The following GMDS variants were observed in gnomAD, a reference collection of about 807,000 sequenced individuals.
GMDS encodes the protein GDP-mannose 4,6 dehydratase.
Under a neutral mutation model 49.9 loss-of-function variants are expected in GMDS, and 20 were observed. That is an observed-to-expected ratio of 0.40 (90% confidence interval 0.28 to 0.58). The LOEUF (loss-of-function observed/expected upper bound fraction) is 0.58. Among genes scored for constraint, GMDS ranks in the 20% least tolerant of loss-of-function variants. The pLI is 0.42. For synonymous variants in GMDS, 177 were observed against 178.6 expected, an observed-to-expected ratio of 0.99 and a Z score of 0.07; for missense variants, 362 against 481.4, an observed-to-expected ratio of 0.75 and a Z score of 2.32.
At chr6:1,796,464 G>C (rs1294190555) in intron 7 of GMDS, among the ~76,000 whole-genome samples, 1 of 152,148 alleles carries the variant, frequency 6.6e-6, no homozygotes, top group Non-Finnish European at 1.5e-5. Context: ...TAGGTATACT[G>C]GAGAGGGGCC....
At chr6:1,922,595 C>G (rs1761771030) in intron 7 of GMDS, among the ~76,000 whole-genome samples, 1 of 152,132 alleles carries the variant, frequency 6.6e-6, no homozygotes, top group Non-Finnish European at 1.5e-5. Flanking sequence ...TTGCCTTTTT[C>G]AAAACTACCG....
chr6:1,868,237 G>A (rs563155548), intron 7 of GMDS, among the ~76,000 whole-genome samples: 104 of 152,036 alleles, frequency 6.8e-4, no homozygotes, highest in African/African-American at 2.4e-3. Flanking sequence ...TGCCTGCCTC[G>A]GCCTCCCAAA....
intron 9 of GMDS, among the ~76,000 whole-genome samples, chr6:1,629,337 A>T (rs1236987853): frequency 6.6e-6 from 1 of 152,126 alleles, no homozygotes; most frequent in Non-Finnish European, 1.5e-5. Flanking sequence ...ATCCACACAA[A>T]CTGAAGTGGA....
intron 1 of GMDS, among the ~76,000 whole-genome samples, chr6:2,235,229 CA>C (rs1417237079): frequency 6.6e-6 from 1 of 152,166 alleles, no homozygotes; most frequent in Non-Finnish European, 1.5e-5. Flanking sequence ...GGGAAGCAGG[CA>C]TATTCTTCTT....
intron 7 of GMDS, among the ~76,000 whole-genome samples, chr6:1,776,125 C>T (rs963278482): frequency 2.0e-5 from 3 of 152,088 alleles, no homozygotes; most frequent in Non-Finnish European, 2.9e-5. Flanking sequence ...AAAGCCGTGA[C>T]CGTTCAGAAT....
chr6:2,109,754 T>C (rs1161160098), intron 4 of GMDS, among the ~76,000 whole-genome samples: 3 of 152,318 alleles, frequency 2.0e-5, no homozygotes, highest in East Asian at 1.9e-4. Context: ...GTGGACATAA[T>C]GTCTCCCCGC....
chr6:1,875,559 T>C (rs542955498), intron 7 of GMDS, among the ~76,000 whole-genome samples: 2 of 152,246 alleles, frequency 1.3e-5, no homozygotes, highest in South Asian at 2.1e-4. Flanking sequence ...TCTTAAGAAA[T>C]TGCCAGATTT....
intron 7 of GMDS, among the ~76,000 whole-genome samples, chr6:1,825,252 T>C (rs748394455): frequency 2.0e-5 from 3 of 152,202 alleles, no homozygotes; most frequent in Non-Finnish European, 4.4e-5. Flanking sequence ...CAAAACATCA[T>C]GACTCTTGGG....
In GMDS at chr6:1,753,370, A is replaced by T. The variant is rs932326348; in HGVS notation, c.772-10784T>A. 2.6e-5 allele frequency among the ~76,000 whole-genome samples: 4 copies of T among 152,352 alleles called. 1 individual carries two copies. In the South Asian group the frequency reaches 8.3e-4, roughly 32 times the overall value. ...TCCTAAATATATATGCACCCAATAC[A>T]GGAGCACCCAGATTCATAAAGCAAG... On this transcript the variant is annotated intron_variant, in intron 7 of 10. Transcript: ENST00000380815.
chr6:1,996,755 G>A (rs539102002), intron 4 of GMDS, among the ~76,000 whole-genome samples: 51 of 152,178 alleles, frequency 3.4e-4, no homozygotes, highest in Non-Finnish European at 6.8e-4. Flanking sequence ...TCTTAGAAGG[G>A]GGTCACATGA....
intron 7 of GMDS, among the ~76,000 whole-genome samples, chr6:1,907,111 C>CT (rs1401277388): frequency 6.6e-6 from 1 of 152,224 alleles, no homozygotes; most frequent in African/African-American, 2.4e-5. Flanking sequence ...AGCACACACT[C>CT]TAACATTATT....
chr6:2,239,303 C>A (rs1781505418), intron 1 of GMDS, among the ~76,000 whole-genome samples: 1 of 149,998 alleles, frequency 6.7e-6, no homozygotes, highest in African/African-American at 2.5e-5. Flanking sequence ...TGCACTCCAG[C>A]CTAGGCAACA....
chr6:1,781,253 G>C (rs1769070809), intron 7 of GMDS, among the ~76,000 whole-genome samples: 1 of 152,178 alleles, frequency 6.6e-6, no homozygotes, highest in South Asian at 2.1e-4. Flanking sequence ...CCTTCCTCCA[G>C]GTGTCCTTGC....
chr6:2,062,033 A>T (rs749127715), intron 4 of GMDS, among the ~76,000 whole-genome samples: 1 of 152,228 alleles, frequency 6.6e-6, no homozygotes, highest in Non-Finnish European at 1.5e-5. Context: ...GCAGCTGAAT[A>T]AAATTGAGAA....
intron 1 of GMDS, among the ~76,000 whole-genome samples, chr6:2,197,903 G>C (rs1779343842): frequency 6.6e-6 from 1 of 152,136 alleles, no homozygotes; most frequent in Non-Finnish European, 1.5e-5. Flanking sequence ...AGCTGTTATT[G>C]AGAAACAACA....
chr6:1,997,704 A>G (rs1406770881), intron 4 of GMDS, among the ~76,000 whole-genome samples: 1 of 151,956 alleles, frequency 6.6e-6, no homozygotes, highest in African/African-American at 2.4e-5. Context: ...GACCCTAGTG[A>G]GGTTCATCTC....
intron 7 of GMDS, among the ~76,000 whole-genome samples, chr6:1,894,814 C>T (rs1760067773): frequency 6.6e-6 from 1 of 152,014 alleles, no homozygotes; most frequent in African/African-American, 2.4e-5. Flanking sequence ...TAGGTATGGC[C>T]CCATTGTCTA....
intron 7 of GMDS, among the ~76,000 whole-genome samples, chr6:1,796,181 C>G (rs1769726644): frequency 6.6e-6 from 1 of 152,158 alleles, no homozygotes; most frequent in African/African-American, 2.4e-5. Flanking sequence ...AATGCTGGCT[C>G]TGGAAGTCCA....
At chr6:1,631,650 C>T (rs1351739049) in intron 9 of GMDS, among the ~76,000 whole-genome samples, 2 of 152,094 alleles carry the variant, frequency 1.3e-5, no homozygotes, top group East Asian at 3.9e-4. Flanking sequence ...CTTCCTCCCT[C>T]CCTCCCTCAC....
Sources: gnomAD v4.1 joint callset for allele counts (sites outside exome capture counted in the v4.1 genomes callset) on GRCh38, gnomAD v4.1.1 for gene constraint, MANE v1.5 for transcripts, NCBI Gene and HGNC (gene_info 2026-07-23, HGNC 2026-07-21) for gene names.